HS3ST5: variants seen among roughly 807,000 people sequenced by gnomAD.
HS3ST5 encodes the protein heparan sulfate glucosamine 3-O-sulfotransferase 5.
Under a neutral mutation model 25.4 loss-of-function variants are expected in HS3ST5, and 10 were observed. That is an observed-to-expected ratio of 0.39 (90% CI 0.24 to 0.67). The LOEUF is 0.67. HS3ST5 is among the 30% of genes least tolerant of loss of function. The probability of loss-of-function intolerance (pLI) is 0.44; values close to 1 mark genes in which losing one functional copy is unlikely to be tolerated. For synonymous variants in HS3ST5, 170 were observed against 162.4 expected, an observed-to-expected ratio of 1.05 and a Z score of -0.36; for missense variants, 324 against 420.7, an observed-to-expected ratio of 0.77 and a Z score of 2.01.
intron 1 of HS3ST5, among the ~76,000 whole-genome samples, chr6:114,302,636 G>T (rs1334313806): frequency 6.6e-6 from 1 of 152,084 alleles, no homozygotes; most frequent in Admixed American, 6.5e-5. Context: ...TCATTTTCTG[G>T]GTAAGCTTCA....
rs543419472 is a variant in HS3ST5, at chr6:114,147,447, C to T, written c.-33+20904G>A. The stretch of plus-strand genomic sequence containing the variant: ...GGACACTGGCATGGCAGTGACCTCA[C>T]TTCAACCATGAAGATGAAGTTGATT... On this transcript the variant is annotated intron_variant, in intron 3 of 4. Coordinates refer to ENST00000312719, the MANE Select transcript of HS3ST5 (RefSeq NM_153612.4). 2.0e-5 allele frequency among the ~76,000 whole-genome samples: 3 copies of T among 152,310 alleles called. No individual in the cohort carries two copies. In the South Asian group the frequency reaches 6.2e-4, roughly 32 times the overall value.
intron 1 of HS3ST5, among the ~76,000 whole-genome samples, chr6:114,327,462 C>G (rs1776217676): frequency 6.6e-6 from 1 of 152,130 alleles, no homozygotes; most frequent in Admixed American, 6.5e-5. Flanking sequence ...ATTCATCTTG[C>G]CTCTTATTGC....
At chr6:114,125,328 A>T (rs916538634) in intron 3 of HS3ST5, among the ~76,000 whole-genome samples, 3 of 152,226 alleles carry the variant, frequency 2.0e-5, no homozygotes, top group African/African-American at 7.2e-5. Flanking sequence ...TTCAAAAGGT[A>T]CATAGTAAAG....
chr6:114,335,103 T>C (rs1010015426), intron 1 of HS3ST5, among the ~76,000 whole-genome samples: 2 of 152,162 alleles, frequency 1.3e-5, no homozygotes, highest in African/African-American at 2.4e-5. Flanking sequence ...GGGTTAAATA[T>C]GGGCTTCAGA....
At position 114,228,314 on chromosome 6, in the gene HS3ST5, T is replaced by C. The variant is rs117516397; in HGVS notation, c.-145+271A>G. Among the ~76,000 whole-genome samples, 101 of 152,282 alleles carry C rather than the reference T, an allele frequency of 6.6e-4. No homozygotes were observed. In the Middle Eastern group the frequency reaches 0.01, roughly 15 times the overall value. ...ACATTAAACTTTGAGAACCACAGTA[T>C]GTTAATGCTTTGTAATGTGATACTG... On this transcript the variant is annotated intron_variant, in intron 2 of 4. Coordinates refer to ENST00000312719, the MANE Select transcript of HS3ST5 (RefSeq NM_153612.4).
chr6:114,210,546 C>T (rs1781470076), intron 2 of HS3ST5, among the ~76,000 whole-genome samples: 1 of 152,156 alleles, frequency 6.6e-6, no homozygotes, highest in South Asian at 2.1e-4. Flanking sequence ...TGTTACAATT[C>T]CAAGAGACAA....
chr6:114,174,183 C>T (rs1366943873), intron 2 of HS3ST5, among the ~76,000 whole-genome samples: 2 of 152,046 alleles, frequency 1.3e-5, no homozygotes, highest in Non-Finnish European at 2.9e-5. Context: ...AGATCACTAT[C>T]CTAATCAGCC....
chr6:114,070,363 A>T (rs895103786), intron 3 of HS3ST5, among the ~76,000 whole-genome samples: 1 of 152,106 alleles, frequency 6.6e-6, no homozygotes, highest in African/African-American at 2.4e-5. Flanking sequence ...TGATGAAAGC[A>T]GGGAGAAAAT....
chr6:114,248,612 C>T (rs765304494), intron 1 of HS3ST5, among the ~76,000 whole-genome samples: 6 of 152,176 alleles, frequency 3.9e-5, no homozygotes, highest in Non-Finnish European at 2.9e-5. Context: ...GCCGTTCATT[C>T]ATCAAATATT....
intron 1 of HS3ST5, among the ~76,000 whole-genome samples, chr6:114,276,240 G>A (rs897206595): frequency 6.6e-6 from 1 of 151,786 alleles, no homozygotes; most frequent in African/African-American, 2.4e-5. Context: ...AGAGAGCTGG[G>A]ATTAGAATCA....
chr6:114,329,491 T>G (rs785145), intron 1 of HS3ST5, among the ~76,000 whole-genome samples: 72,836 of 151,942 alleles, frequency 0.48, 18,874 homozygotes, highest in African/African-American at 0.67. Flanking sequence ...CTGATTTCTG[T>G]GTCCAAGGGG....
chr6:114,076,450 G>A (rs1348228499), intron 3 of HS3ST5, among the ~76,000 whole-genome samples: 2 of 152,122 alleles, frequency 1.3e-5, no homozygotes, highest in Non-Finnish European at 2.9e-5. Context: ...TGTCTTAATA[G>A]CCCCCAGTTT....
intron 4 of HS3ST5, among the ~76,000 whole-genome samples, chr6:114,062,212 C>T (rs1192955175): frequency 6.6e-6 from 1 of 152,180 alleles, no homozygotes; most frequent in Admixed American, 6.5e-5. Flanking sequence ...TTGTCTGGTG[C>T]GTTCAGCCCC....
At chr6:114,312,363 A>G (rs1470667180) in intron 1 of HS3ST5, among the ~76,000 whole-genome samples, 1 of 152,194 alleles carries the variant, frequency 6.6e-6, no homozygotes, top group Non-Finnish European at 1.5e-5. Context: ...ACCTCACACC[A>G]TATACCAAAT....
At chr6:114,313,840 A>T (rs975160053) in intron 1 of HS3ST5, among the ~76,000 whole-genome samples, 1 of 152,196 alleles carries the variant, frequency 6.6e-6, no homozygotes, top group Non-Finnish European at 1.5e-5. Context: ...AGATGCTTGG[A>T]TATGAGAATT....
chr6:114,150,850 G>A (rs1778414778), intron 3 of HS3ST5, among the ~76,000 whole-genome samples: 1 of 152,150 alleles, frequency 6.6e-6, no homozygotes, highest in Non-Finnish European at 1.5e-5. Flanking sequence ...TGTCTTATGT[G>A]AATTACATTG....
intron 4 of HS3ST5, 47 bp downstream of exon 4, chr6:114,062,692 C>G (rs748171203): frequency 1.1e-5 from 13 of 1,226,770 alleles, no homozygotes; most frequent in Non-Finnish European, 1.5e-5. Flanking sequence ...AAGTTTAAAT[C>G]AAGCCTTAAT....
intron 1 of HS3ST5, among the ~76,000 whole-genome samples, chr6:114,288,704 T>G (rs973306761): frequency 4.6e-5 from 7 of 152,072 alleles, no homozygotes; most frequent in Non-Finnish European, 1.0e-4. Flanking sequence ...ATTTATGCTA[T>G]CTCTATACTG....
chr6:114,268,081 A>T (rs1430119295), intron 1 of HS3ST5, among the ~76,000 whole-genome samples: 1 of 152,126 alleles, frequency 6.6e-6, no homozygotes, highest in Admixed American at 6.6e-5. Flanking sequence ...TCAACCTATG[A>T]TTGGGCAGGG....
Sources: allele counts gnomAD v4.1 joint callset (sites outside exome capture counted in the v4.1 genomes callset), GRCh38; gene constraint gnomAD v4.1.1; transcripts MANE v1.5; gene names NCBI Gene and HGNC (gene_info 2026-07-23, HGNC 2026-07-21).